Variants in MSRA observed in about 807,000 individuals in gnomAD.
The protein encoded by MSRA is mitochondrial peptide methionine sulfoxide reductase.
In MSRA, 54 loss-of-function variants were observed where a neutral mutation model predicts 31.3. The ratio of observed to expected loss-of-function variants is 1.73; its 90% CI spans 1.39 to 2.17. MSRA has a LOEUF of 2.17. MSRA is among the 30% of genes most tolerant of loss of function. MSRA has a pLI of 0.00. For missense variants in MSRA, 507 were observed against 300.9 expected, an observed-to-expected ratio of 1.69 and a Z score of -5.07; for synonymous variants, 169 against 116.5, an observed-to-expected ratio of 1.45 and a Z score of -2.90.
At chr8:10,173,647 C>A (rs1309354549) in intron 1 of MSRA, among the ~76,000 whole-genome samples, 1 of 152,190 alleles carries the variant, frequency 6.6e-6, no homozygotes, top group Non-Finnish European at 1.5e-5. Flanking sequence ...CCGCTTGTCT[C>A]TTTTCCGGGC....
At chr8:10,402,378 G>T (rs893126912) in intron 5 of MSRA, among the ~76,000 whole-genome samples, 2 of 152,242 alleles carry the variant, frequency 1.3e-5, no homozygotes, top group Non-Finnish European at 2.9e-5. Context: ...GCCAAATGTG[G>T]TTCTTCCTCG....
intron 3 of MSRA, among the ~76,000 whole-genome samples, chr8:10,269,519 G>C (rs1309380337): frequency 6.6e-6 from 1 of 152,258 alleles, no homozygotes; most frequent in Non-Finnish European, 1.5e-5. Flanking sequence ...TGAACAACAG[G>C]GAAGTGTTAC....
chr8:10,140,869 C>T (rs1403770693), intron 1 of MSRA, among the ~76,000 whole-genome samples: 1 of 151,892 alleles, frequency 6.6e-6, no homozygotes, highest in Non-Finnish European at 1.5e-5. Flanking sequence ...AGAGAAAGAT[C>T]ACAGACACAG....
At chr8:10,061,898 G>T (rs774234434) in intron 1 of MSRA, among the ~76,000 whole-genome samples, 1 of 152,228 alleles carries the variant, frequency 6.6e-6, no homozygotes, top group Non-Finnish European at 1.5e-5. Context: ...CTAGGCATCT[G>T]CAGCAGTGGT....
At chr8:10,256,832 G>A (rs549014567) in intron 3 of MSRA, among the ~76,000 whole-genome samples, 10 of 152,138 alleles carry the variant, frequency 6.6e-5, no homozygotes, top group Non-Finnish European at 1.5e-4. Context: ...AGTGTTTCTT[G>A]TAAGATTTCT....
chr8:10,079,341 G>C (rs777457986), intron 1 of MSRA, among the ~76,000 whole-genome samples: 4 of 152,024 alleles, frequency 2.6e-5, no homozygotes, highest in Non-Finnish European at 1.5e-5. Context: ...TTTTTGTAGA[G>C]ACAGGGTTTC....
chr8:10,226,804 A>G (rs974464090), intron 2 of MSRA, among the ~76,000 whole-genome samples: 3 of 152,166 alleles, frequency 2.0e-5, no homozygotes, highest in Non-Finnish European at 4.4e-5. Context: ...AGGTCCTGTT[A>G]GAGCTCTACA....
chr8:10,094,263 C>T (rs1799006762), intron 1 of MSRA, among the ~76,000 whole-genome samples: 1 of 152,116 alleles, frequency 6.6e-6, no homozygotes, highest in Non-Finnish European at 1.5e-5. Flanking sequence ...AATAGAATTT[C>T]AGATTGATAT....
intron 3 of MSRA, among the ~76,000 whole-genome samples, chr8:10,257,392 T>TA (rs1798239620): frequency 6.6e-6 from 1 of 152,208 alleles, no homozygotes; most frequent in South Asian, 2.1e-4. Flanking sequence ...TGTGTGTCCA[T>TA]AAACCTTCTT....
chr8:10,254,991 T>G (rs564964921), intron 3 of MSRA, among the ~76,000 whole-genome samples: 1 of 152,344 alleles, frequency 6.6e-6, no homozygotes, highest in Admixed American at 6.5e-5. Flanking sequence ...TTATTAGGCA[T>G]TACAATCTTT....
intron 1 of MSRA, among the ~76,000 whole-genome samples, chr8:10,140,110 C>T (rs1175971082): frequency 6.6e-6 from 1 of 152,154 alleles, no homozygotes; most frequent in African/African-American, 2.4e-5. Flanking sequence ...GAAGAGAGGA[C>T]AGATGTGGAG....
intron 1 of MSRA, among the ~76,000 whole-genome samples, chr8:10,105,919 C>T (rs879930271): frequency 4.6e-5 from 7 of 152,138 alleles, no homozygotes; most frequent in Non-Finnish European, 8.8e-5. Context: ...GAGGACCAGG[C>T]GGCTGTGGAG....
chr8:10,109,587 C>CCATCTTG (rs1800133871), intron 1 of MSRA, among the ~76,000 whole-genome samples: 1 of 152,152 alleles, frequency 6.6e-6, no homozygotes, highest in African/African-American at 2.4e-5. Context: ...AGTGATCTAC[C>CCATCTTG]CATCTTGGCC....
At chr8:10,179,882 A>G (rs1806384230) in intron 1 of MSRA, among the ~76,000 whole-genome samples, 1 of 152,192 alleles carries the variant, frequency 6.6e-6, no homozygotes, top group Non-Finnish European at 1.5e-5. Context: ...ATTTGCAGAA[A>G]TGTCAACCCC....
intron 1 of MSRA, among the ~76,000 whole-genome samples, chr8:10,076,874 G>A (rs1275849511): frequency 6.6e-6 from 1 of 151,970 alleles, no homozygotes; most frequent in Non-Finnish European, 1.5e-5. Flanking sequence ...TGGGGGGCTG[G>A]GGAAGAGCAT....
At position 10,304,868 on chromosome 8, in the gene MSRA, G is replaced by A. The variant is rs146860007; in HGVS notation, c.436+3230G>A. 5.1e-4 allele frequency among the ~76,000 whole-genome samples: 77 copies of A among 152,282 alleles called. No homozygotes were observed. The East Asian group carries it at 8.9e-3, about 18-fold the overall frequency. The stretch of plus-strand genomic sequence containing the variant: ...ATTTGGTGGTGATTCTGATCTGTGA[G>A]GCAGTAGTCCACTCCAGGTTCTTTT... On this transcript the variant is annotated intron_variant, in intron 4 of 5. Transcript: ENST00000317173.
chr8:10,358,616 G>T (rs187691254), intron 5 of MSRA, among the ~76,000 whole-genome samples: 1,923 of 97,478 alleles, frequency 0.02, 25 homozygotes, highest in Middle Eastern at 0.048. Context: ...TTTTTGAGAC[G>T]GAGTCTCGCT....
At chr8:10,275,427 T>A (rs1799271906) in intron 3 of MSRA, among the ~76,000 whole-genome samples, 1 of 152,252 alleles carries the variant, frequency 6.6e-6, no homozygotes, top group Admixed American at 6.5e-5. Flanking sequence ...TAGATGCATC[T>A]TCTTTTCTGA....
intron 1 of MSRA, among the ~76,000 whole-genome samples, chr8:10,176,099 C>A (rs1051109387): frequency 2.0e-5 from 3 of 152,198 alleles, no homozygotes; most frequent in Non-Finnish European, 2.9e-5. Context: ...CCTATTAGAT[C>A]TGTAATAATG....
Sources: allele counts gnomAD v4.1 joint callset (sites outside exome capture counted in the v4.1 genomes callset), GRCh38; gene constraint gnomAD v4.1.1; transcripts MANE v1.5; gene names NCBI Gene and HGNC (gene_info 2026-07-23, HGNC 2026-07-21).